Variants in DENND6B observed in about 807,000 individuals in gnomAD.
The protein encoded by DENND6B is DENN domain containing 6B, also known as protein DENND6B.
DENND6B carries 73 observed loss-of-function variants against 85.1 expected under a neutral mutation model. The observed-to-expected ratio is 0.86, with a 90% CI of 0.71 to 1.04. The LOEUF (loss-of-function observed/expected upper bound fraction) is 1.04, where lower values mean the gene tolerates loss of function less well. Among genes scored for constraint, DENND6B ranks in the 50% least tolerant of loss-of-function variants. The probability of loss-of-function intolerance (pLI) is 0.00; values close to 1 mark genes in which losing one functional copy is unlikely to be tolerated. For synonymous variants in DENND6B, 357 were observed against 329.3 expected (o/e 1.08, Z -0.91); for missense variants, 715 against 785.8 (o/e 0.91, Z 1.08).
rs972967265 is a variant in DENND6B at position 50,318,029 on chromosome 22, G to A, written c.260-9C>T. On this transcript the variant is annotated splice_polypyrimidine_tract_variant and intron_variant, in intron 3 of 19. Coordinates refer to ENST00000413817, the MANE Select transcript of DENND6B (RefSeq NM_001001794.4). Reference sequence around the variant, plus strand: ...AGTGTCTCCAAGGCAGCCTAAGAAGGGGCAGCCCCACCACACGGGTCAAGG... The same window carrying A: ...AGTGTCTCCAAGGCAGCCTAAGAAGAGGCAGCCCCACCACACGGGTCAAGG... The A allele has an allele frequency of 6.2e-7, 1 of 1,611,642 alleles. No homozygotes were observed. The highest frequency in any genetic ancestry group is 8.5e-7 in the Non-Finnish European group (1 of 1,179,380).
Position 50,314,415 on chromosome 22 carries a change from C to T in DENND6B, c.1057G>A (p.Glu353Lys), listed in dbSNP as rs1166086227. The change falls in exon 12 of 20, where the codon GAG becomes AAG. Residue 353 changes from glutamate to lysine, a missense_variant. By Grantham distance (56) the Glu-to-Lys change is moderately conservative (BLOSUM62 1). Coordinates refer to ENST00000413817, the MANE Select transcript of DENND6B (RefSeq NM_001001794.4). The part of the protein sequence containing the change: ...QHWPHILRVG[E>K]PKMSGDLPKQ... ...GGAGCCTGACCTGACATCTTGGGCT[C>T]CCCGACTCGGAGGATGTGGGGCCAG... 6.4e-7 allele frequency: 1 copy of T among 1,564,574 alleles called. No individual in the cohort carries two copies. The highest frequency in any genetic ancestry group is 8.7e-7 in the Non-Finnish European group (1 of 1,154,096).
intron 1 of DENND6B, among the ~76,000 whole-genome samples, chr22:50,326,548 T>C (rs2042194583): frequency 6.6e-6 from 1 of 152,124 alleles, no homozygotes; most frequent in Non-Finnish European, 1.5e-5. Context: ...TGTGAGACAT[T>C]TACTGGGAAA....
Position 50,311,539 on chromosome 22 carries a change from C to T in DENND6B, c.*600G>A, listed in dbSNP as rs1168528853. ...CTCTCCTAGCAGAGGTGCTGGGCTGCACACAGCCCCCTGCCCAACCCCTAC... is the reference window on the plus strand; with the variant it reads ...CTCTCCTAGCAGAGGTGCTGGGCTGTACACAGCCCCCTGCCCAACCCCTAC... On this transcript the variant is annotated 3_prime_UTR_variant, in exon 20 of 20. Coordinates refer to ENST00000413817, the MANE Select transcript of DENND6B (RefSeq NM_001001794.4). 1 of 154,226 alleles carries T rather than the reference C, an allele frequency of 6.5e-6. No individual in the cohort carries two copies. Among genetic ancestry groups the T allele is most frequent in the East Asian group, 1.9e-4 (1 of 5,216 alleles). The allele number at this position is 154,226 out of a possible 1,614,324, so 9.6% of individuals were successfully genotyped here.
At chr22:50,316,305 C>T (rs980447222) in intron 6 of DENND6B, 52 bp from the exon 7 acceptor site, 15 of 1,564,568 alleles carry the variant, frequency 9.6e-6, no homozygotes, top group East Asian at 2.4e-5. Context: ...AAGCTGCTGC[C>T]GAGCCCACCA....
At chr22:50,313,135 G>T in intron 16 of DENND6B, 27 bp from the exon 17 acceptor site, 1 of 1,543,998 alleles carries the variant, frequency 6.5e-7, no homozygotes, top group African/African-American at 1.4e-5. Context: ...GAGCCAGCAC[G>T]TGGGAACTCG....
Position 50,309,574 on chromosome 22 carries a change from G to A in DENND6B, c.*2565C>T, listed in dbSNP as rs1222766972. 6.6e-6 allele frequency: 1 copy of A among 152,376 alleles called. No homozygotes were observed. Among genetic ancestry groups the A allele is most frequent in the Non-Finnish European group, 1.5e-5 (1 of 68,166 alleles). The allele number at this position is 152,376 out of a possible 1,614,324, so 9.4% of individuals were successfully genotyped here. On this transcript the variant is annotated 3_prime_UTR_variant, in exon 20 of 20. Transcript: ENST00000413817. The stretch of plus-strand genomic sequence containing the variant: ...CCCAGGCCTCTTCTGCACAGGTGGG[G>A]ACAGGCCCTGAGGAAGAGGGGCTGG...
intron 1 of DENND6B, among the ~76,000 whole-genome samples, chr22:50,321,384 C>T (rs1257026452): frequency 2.0e-5 from 3 of 152,050 alleles, no homozygotes; most frequent in East Asian, 3.8e-4. Context: ...TTTTTTGAGA[C>T]GGGGTCTTGC....
Position 50,314,801 on chromosome 22 carries a change from G to C in DENND6B, c.879C>G (p.Thr293=), listed in dbSNP as rs1407165193. ...DVSSEMVLAL[T]SCLQPLRFCC... ...CCGGGACCGGGCCAAGGCGATACCTGGTCAAGGCCAGCACCATCTCCGAGG... is the reference window on the plus strand; with the variant it reads ...CCGGGACCGGGCCAAGGCGATACCTCGTCAAGGCCAGCACCATCTCCGAGG... Residue 293 remains threonine (T), a splice_region_variant and synonymous_variant, in exon 10 of 20, where the codon ACC becomes ACG. Coordinates refer to ENST00000413817, the MANE Select transcript of DENND6B (RefSeq NM_001001794.4). 6.2e-7 allele frequency: 1 copy of C among 1,605,422 alleles called. No individual in the cohort carries two copies. Among genetic ancestry groups the C allele is most frequent in the Non-Finnish European group, 8.5e-7 (1 of 1,176,572 alleles).
chr22:50,326,937 CGCCCAGGCAGCCGCGA>C lies in DENND6B; in HGVS notation c.36_51del (p.Gly14LeufsTer121). The C allele has an allele frequency of 2.3e-6, 3 of 1,300,432 alleles. No homozygotes were observed. The highest frequency in any genetic ancestry group is 2.9e-6 in the Non-Finnish European group (3 of 1,029,948). 80.6% of individuals were successfully genotyped at this position (1,300,432 alleles called of 1,614,324 possible). On this transcript the variant is annotated frameshift_variant, in exon 1 of 20. Transcript: ENST00000413817. LOFTEE classifies it high-confidence loss of function. ...CGACCTGAAGACGTGGGTCCAGCCG[CGCCCAGGCAGCCGCGA>C]GCCCGGCGAGGCCCTGTGCCCAACA...
At chr22:50,320,647 G>T (rs2042015084) in intron 1 of DENND6B, among the ~76,000 whole-genome samples, 1 of 152,198 alleles carries the variant, frequency 6.6e-6, no homozygotes, top group African/African-American at 2.4e-5. Flanking sequence ...GGTGGAAGCT[G>T]GGAGTAGGCT....
Position 50,315,694 on chromosome 22 carries a change from C to T in DENND6B, c.758+20G>A. 6.4e-7 allele frequency: 1 copy of T among 1,563,774 alleles called. No individual in the cohort carries two copies. Among genetic ancestry groups the T allele is most frequent in the Non-Finnish European group, 8.7e-7 (1 of 1,155,660 alleles). Reference sequence around the variant, plus strand: ...CAGTGAGCTCCTCAAAAGCAGTGTGCAGAACCCTAGGGGGCTCACCTGAAC... The same window carrying T: ...CAGTGAGCTCCTCAAAAGCAGTGTGTAGAACCCTAGGGGGCTCACCTGAAC... On this transcript the variant is annotated intron_variant, in intron 9 of 19. Coordinates refer to ENST00000413817, the MANE Select transcript of DENND6B (RefSeq NM_001001794.4).
intron 1 of DENND6B, 39 bp from the exon 2 acceptor site, chr22:50,319,042 C>A (rs1463246097): frequency 2.6e-6 from 4 of 1,567,634 alleles, no homozygotes; most frequent in Non-Finnish European, 3.5e-6. Flanking sequence ...CACCATCTGT[C>A]CGAGGAGGCG....
chr22:50,313,439 C>T lies in DENND6B; in HGVS notation c.1347+7G>A, dbSNP rs1318455983. 11 of 1,536,836 alleles carry T rather than the reference C, an allele frequency of 7.2e-6. No homozygotes were observed. Among genetic ancestry groups the T allele is most frequent in the Admixed American group, 2.0e-5 (1 of 49,208 alleles). On this transcript the variant is annotated splice_region_variant and intron_variant, in intron 16 of 19. Transcript: ENST00000413817. ...TGGACCCCACAAAACCCCCACAGGA[C>T]CCCCACCTTCCAGGGCGTGATGCTC...
Position 50,312,038 on chromosome 22 carries a change from C to G in DENND6B, c.*101G>C. The stretch of plus-strand genomic sequence containing the variant: ...GGGAGCCTGCAGTCTGGGCGGGGGG[C>G]CAAGGAAGGGGAGCGTGTGCTTGGC... On this transcript the variant is annotated 3_prime_UTR_variant, in exon 20 of 20. Transcript: ENST00000413817. 6.6e-7 allele frequency: 1 copy of G among 1,512,252 alleles called. No homozygotes were observed. The highest frequency in any genetic ancestry group is 1.3e-5 in the South Asian group (1 of 76,036). 93.7% of individuals were successfully genotyped at this position (1,512,252 alleles called of 1,614,324 possible).
At position 50,317,934 on chromosome 22, in the gene DENND6B, T is replaced by C; in HGVS notation, c.346A>G (p.Asn116Asp). Residue 116 changes from asparagine (N) to aspartate (D), a missense_variant, in exon 4 of 20, where the codon AAC becomes GAC. Physicochemically the swap from Asn to Asp is conservative, Grantham distance 23. Transcript: ENST00000413817. ...SPWHADDRHY[N>D]SRAPVALQRE... ...TGCAGTGCCACAGGGGCCCTGCTGT[T>C]GTAGTGCCTGTCGTCGGCATGCCAG... 1 of 1,610,320 alleles carries C rather than the reference T, an allele frequency of 6.2e-7. No homozygotes were observed. The highest frequency in any genetic ancestry group is 2.2e-5 in the East Asian group (1 of 44,822).
intron 1 of DENND6B, 189 bp from the exon 2 acceptor site, chr22:50,319,192 T>G (rs1042512436): frequency 6.7e-7 from 1 of 1,503,648 alleles, no homozygotes; most frequent in African/African-American, 1.4e-5. Flanking sequence ...CCCCACACCA[T>G]ATTCTCTGTG....
chr22:50,315,716 G>C lies in DENND6B; in HGVS notation c.756C>G (p.Phe252Leu). ...VLASVHELDL[F>L]RCFRPVLTHM... ...GTGCAGAACCCTAGGGGGCTCACCT[G>C]AACAGGTCCAGCTCGTGGACGCTAG... The change falls in exon 9 of 20, where the codon TTC (phenylalanine) becomes TTG (leucine). Residue 252 changes from phenylalanine (F) to leucine (L), a missense_variant and splice_region_variant. Transcript: ENST00000413817. The C allele has an allele frequency of 6.4e-7, 1 of 1,567,196 alleles. No homozygotes were observed. The highest frequency in any genetic ancestry group is 1.2e-5 in the South Asian group (1 of 84,710).
chr22:50,316,710 G>A lies in DENND6B; in HGVS notation c.454-235C>T, dbSNP rs1014281745. On this transcript the variant is annotated intron_variant, in intron 5 of 19. Coordinates refer to ENST00000413817, the MANE Select transcript of DENND6B (RefSeq NM_001001794.4). Reference sequence around the variant, plus strand: ...GGCGGCCGGTGGGGCTGGACCCTAGGGCCTTCGGAGGGAAACGCACGGTGG... The same window carrying A: ...GGCGGCCGGTGGGGCTGGACCCTAGAGCCTTCGGAGGGAAACGCACGGTGG... 4.6e-5 allele frequency: 67 copies of A among 1,458,520 alleles called. 2 individuals are homozygous for A. The Admixed American group carries it at 6.8e-4, about 15-fold the overall frequency. The allele number at this position is 1,458,520 out of a possible 1,614,324, so 90.3% of individuals were successfully genotyped here.
Position 50,313,871 on chromosome 22 carries a change from G to T in DENND6B, c.1146C>A (p.Tyr382Ter). 6.2e-7 allele frequency: 1 copy of T among 1,610,310 alleles called. No individual in the cohort carries two copies. Among genetic ancestry groups the T allele is most frequent in the Non-Finnish European group, 8.5e-7 (1 of 1,179,346 alleles). ...GGTGGAGGTGGGCCGTGTAAGCGGT[G>T]TAGAGGCCTGGCGGGAGGGCACAGC... ...LKTLDTKPGL[Y>*]TAYTAHLHRD... Residue 382 changes from tyrosine (Y) to a stop codon, truncating the protein, a stop_gained, in exon 14 of 20, where the codon TAC becomes TAA. Transcript: ENST00000413817. LOFTEE classifies it high-confidence loss of function.
Sources: allele counts gnomAD v4.1 joint callset (sites outside exome capture counted in the v4.1 genomes callset), GRCh38; gene constraint gnomAD v4.1.1; transcripts MANE v1.5; gene names NCBI Gene and HGNC (gene_info 2026-07-23, HGNC 2026-07-21).